The following RMDN2 variants were observed in gnomAD, a reference collection of about 807,000 sequenced individuals.
The protein encoded by RMDN2 is regulator of microtubule dynamics 2, also known as regulator of microtubule dynamics protein 2.
In RMDN2, 61 loss-of-function variants were observed where a neutral mutation model predicts 52.8. The ratio of observed to expected loss-of-function variants is 1.16; its 90% CI spans 0.94 to 1.43. The LOEUF is 1.43. RMDN2 is among the 40% of genes most tolerant of loss of function. RMDN2 has a pLI of 0.00. For missense variants in RMDN2, 592 were observed against 475.3 expected (o/e 1.25, Z -2.28); for synonymous variants, 180 against 153.1 (o/e 1.18, Z -1.30).
chr2:38,004,076 A>T (rs1337903335), intron 9 of RMDN2, 32 bp downstream of exon 9: 2 of 1,606,396 alleles, frequency 1.2e-6, no homozygotes, highest in South Asian at 1.1e-5. Flanking sequence ...CTTTAAGATC[A>T]CTTTGAACCT....
intron 10 of RMDN2, chr2:38,035,757 C>A (rs1680532166): frequency 6.6e-6 from 1 of 152,096 alleles, no homozygotes; most frequent in East Asian, 1.9e-4. Flanking sequence ...TCTAGTTTAA[C>A]CAGCAAGATG....
chr2:37,996,588 CAAAAAAAAAAAAGAAAAA>C (rs59898193), intron 7 of RMDN2, among the ~76,000 whole-genome samples: 58,943 of 109,938 alleles, frequency 0.54, 13,221 homozygotes, highest in East Asian at 0.8. Context: ...GAGACATTGC[CAAAAAAAAAAAAGAAAAA>C]AAAAAAAAAA....
chr2:37,938,356 CTT>C (rs562702400), intron 2 of RMDN2, among the ~76,000 whole-genome samples: 65 of 152,202 alleles, frequency 4.3e-4, no homozygotes, highest in African/African-American at 1.5e-3. Flanking sequence ...CTGAAATTTT[CTT>C]TTTTTGTTGT....
At chr2:37,928,215 A>G (rs1452259671) in intron 1 of RMDN2, among the ~76,000 whole-genome samples, 1 of 152,198 alleles carries the variant, frequency 6.6e-6, no homozygotes, top group African/African-American at 2.4e-5. Context: ...CATATACTCT[A>G]GTGAAATAGG....
chr2:38,010,735 C>T (rs1421918160), intron 10 of RMDN2, among the ~76,000 whole-genome samples: 2 of 152,182 alleles, frequency 1.3e-5, no homozygotes, highest in Non-Finnish European at 2.9e-5. Context: ...CGCTTTCTGA[C>T]ACTCCCCAGT....
exon 11 of RMDN2, chr2:38,067,130 C>T (rs1682316631): frequency 2.5e-6 from 2 of 802,950 alleles, no homozygotes; most frequent in Admixed American, 4.0e-5. Context: ...AAAACATTTC[C>T]ACATAGTACA....
chr2:38,042,400 C>T lies in RMDN2; in HGVS notation c.1714-24582C>T, dbSNP rs890409523. ...TATTGATCTTTTCCAAAACCTCCCCCCGCCACACACACACACACACACACC... is the reference window on the plus strand; with the variant it reads ...TATTGATCTTTTCCAAAACCTCCCCTCGCCACACACACACACACACACACC... On this transcript the variant is annotated intron_variant, in intron 10 of 10. Transcript: ENST00000234195. 1.5e-4 allele frequency among the ~76,000 whole-genome samples: 19 copies of T among 128,460 alleles called. No individual in the cohort carries two copies. In the East Asian group the frequency reaches 5.2e-3, roughly 35 times the overall value. 84.3% of individuals were successfully genotyped at this position (128,460 alleles called of 152,430 possible).
chr2:37,989,504 A>C, intron 5 of RMDN2, 37 bp from the exon 6 acceptor site: 1 of 1,386,498 alleles, frequency 7.2e-7, no homozygotes, highest in Non-Finnish European at 1.0e-6. Flanking sequence ...AAATTTACAC[A>C]GTGGCCACTG....
rs1050518477 is a variant in RMDN2, at chr2:37,959,858, C to T, written c.453-14182C>T. Among the ~76,000 whole-genome samples the T allele has an allele frequency of 8.6e-5, 13 of 150,868 alleles. 1 individual carries two copies. The highest frequency in any genetic ancestry group is 2.7e-4 in the African/African-American group (11 of 40,214). ...GATTCTGGTATGTTGTATCTTAGTT[C>T]TCATTGGTTTCAAGGAACTTATTTC... On this transcript the variant is annotated intron_variant, in intron 2 of 10. Transcript: ENST00000354545.
intron 10 of RMDN2, among the ~76,000 whole-genome samples, chr2:38,057,339 A>T (rs537635791): frequency 6.6e-6 from 1 of 152,380 alleles, no homozygotes; most frequent in South Asian, 2.1e-4. Context: ...GTGCTCCAAC[A>T]TAACTTTATT....
At chr2:37,998,206 C>T (rs1675833478) in intron 8 of RMDN2, 1 of 152,068 alleles carries the variant, frequency 6.6e-6, no homozygotes, top group Admixed American at 6.6e-5. Context: ...TGTTTTCCTT[C>T]CCAACCTACC....
chr2:37,975,444 A>G (rs1162909137), intron 4 of RMDN2, 130 bp downstream of exon 4: 5 of 555,776 alleles, frequency 9.0e-6, no homozygotes, highest in Admixed American at 6.2e-5. Flanking sequence ...ATTCTCAGCA[A>G]ACTAACACAA....
At chr2:38,062,901 A>G (rs1208340758) in intron 10 of RMDN2, among the ~76,000 whole-genome samples, 1 of 151,806 alleles carries the variant, frequency 6.6e-6, no homozygotes, top group Non-Finnish European at 1.5e-5. Context: ...GTTTGCTGAG[A>G]ATGATGGTTT....
intron 2 of RMDN2, among the ~76,000 whole-genome samples, chr2:37,947,890 C>G (rs1378703447): frequency 1.3e-5 from 2 of 152,182 alleles, no homozygotes; most frequent in African/African-American, 4.8e-5. Context: ...CTTGTGCCCC[C>G]TACTTCTCCC....
intron 2 of RMDN2, among the ~76,000 whole-genome samples, chr2:37,931,400 A>T (rs1196270082): frequency 1.3e-5 from 2 of 152,220 alleles, no homozygotes; most frequent in Non-Finnish European, 2.9e-5. Flanking sequence ...ACCTGTATGT[A>T]AATCTGTGGT....
intron 2 of RMDN2, among the ~76,000 whole-genome samples, chr2:37,948,210 C>T (rs751898646): frequency 7.2e-5 from 11 of 152,300 alleles, no homozygotes; most frequent in Admixed American, 3.9e-4. Context: ...GGGAGCAGTG[C>T]TCAGGAATCT....
At chr2:37,929,051 C>CA in intron 1 of RMDN2, 1 of 394,574 alleles carries the variant, frequency 2.5e-6, no homozygotes. Context: ...AGCTATGCAT[C>CA]TTTAACTTAA....
intron 4 of RMDN2, among the ~76,000 whole-genome samples, chr2:37,979,689 A>T (rs556573618): frequency 6.6e-6 from 1 of 152,324 alleles, no homozygotes; most frequent in South Asian, 2.1e-4. Context: ...TCTCTAAAGG[A>T]AATAGCTTTA....
chr2:37,962,235 C>G (rs529903978), intron 2 of RMDN2, among the ~76,000 whole-genome samples: 1 of 152,354 alleles, frequency 6.6e-6, no homozygotes, highest in South Asian at 2.1e-4. Context: ...GGGAGATTTG[C>G]TGCTCTCTTC....
Sources: allele counts gnomAD v4.1 joint callset (sites outside exome capture counted in the v4.1 genomes callset), GRCh38; gene constraint gnomAD v4.1.1; transcripts MANE v1.5; gene names NCBI Gene and HGNC (gene_info 2026-07-23, HGNC 2026-07-21).